The following NCAPH variants were observed in gnomAD, a reference collection of about 807,000 sequenced individuals.
NCAPH encodes non-SMC condensin I complex subunit H.
NCAPH carries 38 observed loss-of-function variants against 85.5 expected under a neutral mutation model. The observed-to-expected ratio is 0.44, with a 90% CI of 0.34 to 0.58. The LOEUF (loss-of-function observed/expected upper bound fraction) is 0.58, where lower values mean the gene tolerates loss of function less well. Among genes scored for constraint, NCAPH ranks in the 20% least tolerant of loss-of-function variants. The pLI is 0.01. For missense variants in NCAPH, 789 were observed against 916.6 expected (o/e 0.86, Z 1.80); for synonymous variants, 301 against 335.1 (o/e 0.90, Z 1.11).
chr2:96,371,810 C>T (rs1026519028), intron 17 of NCAPH, among the ~76,000 whole-genome samples: 1 of 152,228 alleles, frequency 6.6e-6, no homozygotes, highest in Non-Finnish European at 1.5e-5. Context: ...ATATTCTCAA[C>T]GCTTCACAGC....
chr2:96,354,155 A>G lies in NCAPH; in HGVS notation c.1003-28A>G, dbSNP rs375357612. 11 of 1,604,288 alleles carry G rather than the reference A, an allele frequency of 6.9e-6. No individual in the cohort carries two copies. The African/African-American group carries it at 1.5e-4, about 21-fold the overall frequency. On this transcript the variant is annotated intron_variant, in intron 8 of 17. Transcript: ENST00000240423. ...ATTTGGGGTGGTTATAGGAATGAGA[A>G]TTACAGAACCCTCTTTTGTCCCTCC...
At position 96,347,958 on chromosome 2, in the gene NCAPH, G is replaced by A. The variant is rs141767796; in HGVS notation, c.720+3729G>A. Among the ~76,000 whole-genome samples, 85 of 152,230 alleles carry A rather than the reference G, an allele frequency of 5.6e-4. 1 individual carries two copies. The East Asian group carries it at 0.016, about 29-fold the overall frequency. ...AGAGGCGAGAGCAGCTGGCTCTTGT[G>A]GGGAGAGGGAGTTGTATTTTTTCCT... On this transcript the variant is annotated intron_variant, in intron 6 of 17. Transcript: ENST00000240423.
chr2:96,366,657 T>C (rs900226377), intron 14 of NCAPH, among the ~76,000 whole-genome samples: 10 of 152,116 alleles, frequency 6.6e-5, no homozygotes, highest in Admixed American at 5.2e-4. Context: ...GGCGGGCAGA[T>C]CACGATGTCA....
intron 6 of NCAPH, among the ~76,000 whole-genome samples, chr2:96,345,833 T>C (rs2064354740): frequency 6.6e-6 from 1 of 152,240 alleles, no homozygotes; most frequent in African/African-American, 2.4e-5. Context: ...TTCGTATTAC[T>C]GTTTCAACAT....
intron 9 of NCAPH, 147 bp from the exon 10 acceptor site, chr2:96,358,898 A>G: frequency 1.3e-6 from 1 of 743,456 alleles, no homozygotes; most frequent in Non-Finnish European, 2.1e-6. Context: ...GGGAAGGAAA[A>G]GTACTTGAGA....
chr2:96,366,112 T>A, intron 14 of NCAPH, 54 bp downstream of exon 14: 1 of 1,574,512 alleles, frequency 6.4e-7, no homozygotes, highest in Non-Finnish European at 8.7e-7. Context: ...TATTTAATTG[T>A]CTCTTATATG....
intron 2 of NCAPH, 33 bp downstream of exon 2, chr2:96,341,927 C>T: frequency 6.2e-7 from 1 of 1,604,664 alleles, no homozygotes; most frequent in Non-Finnish European, 8.5e-7. Context: ...CTCCTTGAGG[C>T]AGCCGCCTTG....
In NCAPH at chr2:96,373,475, C is replaced by G; in HGVS notation, c.*124C>G. On this transcript the variant is annotated 3_prime_UTR_variant, in exon 18 of 18. Coordinates refer to ENST00000240423, the MANE Select transcript of NCAPH (RefSeq NM_015341.5). ...AGGCTGTAGCCAACTACCAACGTGCCTGTTTGTTTGTTGCTCTTTCCTTCT... is the reference window on the plus strand; with the variant it reads ...AGGCTGTAGCCAACTACCAACGTGCGTGTTTGTTTGTTGCTCTTTCCTTCT... The G allele has an allele frequency of 1.1e-6, 1 of 884,478 alleles. No individual in the cohort carries two copies. The highest frequency in any genetic ancestry group is 1.8e-6 in the Non-Finnish European group (1 of 550,490). 54.8% of individuals were successfully genotyped at this position (884,478 alleles called of 1,614,324 possible). A position where few individuals can be genotyped will look rare whatever the true frequency, so the allele number is the denominator to read the frequency against.
At chr2:96,351,503 T>C (rs548107529) in intron 6 of NCAPH, among the ~76,000 whole-genome samples, 20 of 152,138 alleles carry the variant, frequency 1.3e-4, no homozygotes, top group African/African-American at 4.6e-4. Context: ...ACCCCGTCTC[T>C]ACTAAAAATA....
intron 6 of NCAPH, 141 bp downstream of exon 6, chr2:96,344,370 TATC>T: frequency 1.1e-6 from 1 of 904,822 alleles, no homozygotes; most frequent in Admixed American, 3.6e-5. Flanking sequence ...ATCTCTGCAT[TATC>T]ATCTTTTAGC....
chr2:96,343,223 G>C lies in NCAPH; in HGVS notation c.514G>C (p.Val172Leu). 6.2e-7 allele frequency: 1 copy of C among 1,614,182 alleles called. No individual in the cohort carries two copies. The highest frequency in any genetic ancestry group is 8.5e-7 in the Non-Finnish European group (1 of 1,180,034). ...TKIYAVRVDA[V>L]HADVYRVLGG... Reference sequence around the variant, plus strand: ...GATCTATGCTGTGCGCGTGGATGCCGTCCATGCCGATGTATACAGAGTCCT... The same window carrying C: ...GATCTATGCTGTGCGCGTGGATGCCCTCCATGCCGATGTATACAGAGTCCT... The change falls in exon 5 of 18, where the codon GTC becomes CTC. Residue 172 changes from valine (V) to leucine (L), a missense_variant. By Grantham distance (32) the Val-to-Leu change is conservative (BLOSUM62 1). Transcript: ENST00000240423.
rs181519038 is a variant in NCAPH at position 96,360,572 on chromosome 2, T to G, written c.1465-16T>G. ...TGTTAAAATGCCTAAAACACTTTTT[T>G]TAAAAAAATTAATAGGCTGCTACTA... On this transcript the variant is annotated splice_polypyrimidine_tract_variant and intron_variant, in intron 11 of 17. Coordinates refer to ENST00000240423, the MANE Select transcript of NCAPH (RefSeq NM_015341.5). The G allele has an allele frequency of 6.2e-7, 1 of 1,611,468 alleles. No individual in the cohort carries two copies. Among genetic ancestry groups the G allele is most frequent in the Admixed American group, 1.7e-5 (1 of 59,294 alleles).
Position 96,376,240 on chromosome 2 carries a change from G to T in NCAPH, c.*2889G>T, listed in dbSNP as rs1388766975. ...TGCCAAACAGAACCAGAATTTAAGG[G>T]CAGGAGAATTTGCAAGATAGAATTT... On this transcript the variant is annotated 3_prime_UTR_variant, in exon 18 of 18. Transcript: ENST00000240423. Among the ~76,000 whole-genome samples the T allele has an allele frequency of 6.6e-6, 1 of 152,220 alleles. No individual in the cohort carries two copies. Among genetic ancestry groups the T allele is most frequent in the African/African-American group, 2.4e-5 (1 of 41,452 alleles).
chr2:96,366,197 T>G, intron 14 of NCAPH, 139 bp downstream of exon 14: 4 of 956,926 alleles, frequency 4.2e-6, no homozygotes, highest in Non-Finnish European at 6.2e-6. Context: ...TAAATAGGGT[T>G]GTGGGAGTGA....
chr2:96,352,085 T>TG, intron 7 of NCAPH, 65 bp downstream of exon 7: 8 of 1,439,902 alleles, frequency 5.6e-6, no homozygotes, highest in Non-Finnish European at 7.6e-6. Flanking sequence ...TACATAACCA[T>TG]GGGGTACAAT....
chr2:96,337,054 A>G (rs2064223729), intron 1 of NCAPH, among the ~76,000 whole-genome samples: 2 of 152,234 alleles, frequency 1.3e-5, no homozygotes, highest in Admixed American at 6.5e-5. Context: ...TGGAATAGGA[A>G]CCAGACCAGA....
rs1388871790 is a variant in NCAPH, at chr2:96,366,073, G to A, written c.1881+15G>A. ...AGCCTCAGAAGGTACGGATGAAACAGCTGAGAATTACATTGTTTGCCTGAA... is the reference window on the plus strand; with the variant it reads ...AGCCTCAGAAGGTACGGATGAAACAACTGAGAATTACATTGTTTGCCTGAA... On this transcript the variant is annotated intron_variant, in intron 14 of 17. Transcript: ENST00000240423. 1.9e-6 allele frequency: 3 copies of A among 1,612,430 alleles called. No individual in the cohort carries two copies. Among genetic ancestry groups the A allele is most frequent in the Non-Finnish European group, 2.5e-6 (3 of 1,178,614 alleles).
At chr2:96,343,083 T>A in intron 4 of NCAPH, 83 bp from the exon 5 acceptor site, 1 of 1,556,928 alleles carries the variant, frequency 6.4e-7, no homozygotes, top group Non-Finnish European at 8.7e-7. Flanking sequence ...CAAGTAAATA[T>A]TTTGTGAAGC....
At chr2:96,369,650 C>A in intron 17 of NCAPH, 150 bp downstream of exon 17, 2 of 763,530 alleles carry the variant, frequency 2.6e-6, no homozygotes, top group South Asian at 1.7e-5. Context: ...ATTAGCCAGG[C>A]ATCTAGAAGT....
Sources: allele counts gnomAD v4.1 joint callset (sites outside exome capture counted in the v4.1 genomes callset), GRCh38; gene constraint gnomAD v4.1.1; transcripts MANE v1.5; gene names NCBI Gene and HGNC (gene_info 2026-07-23, HGNC 2026-07-21).